POU3F3: variants seen among roughly 807,000 people sequenced by gnomAD.
POU3F3 encodes POU class 3 homeobox 3.
A neutral mutation model predicts 8.6 loss-of-function variants in POU3F3; 1 was observed. That is an observed-to-expected ratio of 0.12 (90% confidence interval 0.04 to 0.55). POU3F3 has a LOEUF of 0.55. Among genes scored for constraint, POU3F3 ranks in the 20% least tolerant of loss-of-function variants. The pLI, the probability that POU3F3 is intolerant of heterozygous loss-of-function variation, is 0.91. For missense variants in POU3F3, 577 were observed against 690.7 expected, an observed-to-expected ratio of 0.84 and a Z score of 1.84; for synonymous variants, 418 against 327.4, an observed-to-expected ratio of 1.28 and a Z score of -2.99.
chr2:104,913,395 C>T, the POU3F3 span, among the ~76,000 whole-genome samples: 1 of 152,156 alleles, frequency 6.6e-6, no homozygotes, highest in African/African-American at 2.4e-5. Context: ...TCTCCCTCAT[C>T]AGGCAGTTTG....
chr2:104,889,035 G>A, the POU3F3 span, among the ~76,000 whole-genome samples: 1 of 152,220 alleles, frequency 6.6e-6, no homozygotes, highest in Admixed American at 6.5e-5. Context: ...TGCTCTGCAC[G>A]CATGAGTGGA....
At chr2:104,892,359 G>A in the POU3F3 span, among the ~76,000 whole-genome samples, 170 of 152,282 alleles carry the variant, frequency 1.1e-3, 2 homozygotes, top group African/African-American at 3.9e-3. Flanking sequence ...CAGAATTAGT[G>A]AGAATCTGCA....
the POU3F3 span, among the ~76,000 whole-genome samples, chr2:104,916,074 T>C: frequency 1.3e-5 from 2 of 152,100 alleles, no homozygotes; most frequent in Admixed American, 1.3e-4. Flanking sequence ...ATAGCAAACA[T>C]ACATGATGAA....
the POU3F3 span, among the ~76,000 whole-genome samples, chr2:104,918,971 A>G: frequency 6.6e-6 from 1 of 151,464 alleles, no homozygotes; most frequent in Non-Finnish European, 1.5e-5. Context: ...TCCCAGGTTC[A>G]AGCAATTCTC....
In POU3F3 at chr2:104,854,960, A is replaced by T. The variant is rs1315457319; in HGVS notation, c.-551A>T. Among the ~76,000 whole-genome samples, 2 of 152,126 alleles carry T rather than the reference A, an allele frequency of 1.3e-5. No individual in the cohort carries two copies. Among genetic ancestry groups the T allele is most frequent in the Non-Finnish European group, 2.9e-5 (2 of 67,988 alleles). Reference sequence around the variant, plus strand: ...TTCTTTCTTTGTTATCTCCCGTGAAACCTTCACTTAGCAGGTGGACGGAGC... The same window carrying T: ...TTCTTTCTTTGTTATCTCCCGTGAATCCTTCACTTAGCAGGTGGACGGAGC... On this transcript the variant is annotated 5_prime_UTR_variant, in exon 1 of 1. Transcript: ENST00000361360. This position sits in a 1 kb window ranked among gnomAD's most constrained non-coding sequence, Gnocchi z 4.5.
Position 104,856,230 on chromosome 2 carries a change from C to A in POU3F3, c.720C>A (p.Pro240=). The A allele has an allele frequency of 1.6e-6, 2 of 1,221,844 alleles. No homozygotes were observed. The highest frequency in any genetic ancestry group is 1.0e-6 in the Non-Finnish European group (1 of 984,502). The allele number at this position is 1,221,844 out of a possible 1,614,324, so 75.7% of individuals were successfully genotyped here. A position where few individuals can be genotyped will look rare whatever the true frequency, so the allele number is the denominator to read the frequency against. The stretch of plus-strand genomic sequence containing the variant: ...GCATGCTGAGCGCGCCACCGGGGCC[C>A]GGCGGCGGCGGCGGCGGCGCGGGCG... The part of the protein sequence containing the change: ...VNGMLSAPPG[P]GGGGGGAGGG... The change falls in exon 1 of 1, where the codon CCC becomes CCA. Residue 240 remains proline, a synonymous_variant. Coordinates refer to ENST00000361360, the MANE Select transcript of POU3F3 (RefSeq NM_006236.3).
the POU3F3 span, among the ~76,000 whole-genome samples, chr2:104,923,020 T>G: frequency 6.6e-6 from 1 of 152,150 alleles, no homozygotes; most frequent in Non-Finnish European, 1.5e-5. Context: ...AAAAAAACTG[T>G]CAAGCAAGAA....
the POU3F3 span, among the ~76,000 whole-genome samples, chr2:104,920,546 T>C: frequency 6.6e-6 from 1 of 152,138 alleles, no homozygotes; most frequent in African/African-American, 2.4e-5. Flanking sequence ...TAAGATGTGG[T>C]CAGTATGTGA....
the POU3F3 span, among the ~76,000 whole-genome samples, chr2:104,898,221 A>G: frequency 6.6e-6 from 1 of 152,182 alleles, no homozygotes; most frequent in South Asian, 2.1e-4. Flanking sequence ...GGAGCACCTC[A>G]CCAGGTCCCA....
chr2:104,872,351 C>CGGGCTCT, the POU3F3 span: 1 of 456,554 alleles, frequency 2.2e-6, no homozygotes, highest in African/African-American at 2.0e-5. This position sits in a 1 kb window ranked among gnomAD's most constrained non-coding sequence, Gnocchi z 4.6. Flanking sequence ...GCACACACTT[C>CGGGCTCT]GGGCTCTGAG....
the POU3F3 span, among the ~76,000 whole-genome samples, chr2:104,877,660 CTTTT>C: frequency 2.2e-5 from 3 of 138,816 alleles, no homozygotes; most frequent in Admixed American, 7.2e-5. Context: ...TTCTTTTTTT[CTTTT>C]TTTTTTTTTT....
At chr2:104,895,053 G>T in the POU3F3 span, among the ~76,000 whole-genome samples, 1 of 116,328 alleles carries the variant, frequency 8.6e-6, no homozygotes, top group African/African-American at 3.4e-5. Flanking sequence ...CCATGTGTGT[G>T]CACAGGTGAG....
At chr2:104,879,241 A>C in the POU3F3 span, among the ~76,000 whole-genome samples, 3 of 151,694 alleles carry the variant, frequency 2.0e-5, no homozygotes, top group Non-Finnish European at 4.4e-5. Context: ...GAGAGAAGAA[A>C]CCGAGAGAGG....
At chr2:104,893,328 A>G in the POU3F3 span, among the ~76,000 whole-genome samples, 2 of 152,104 alleles carry the variant, frequency 1.3e-5, no homozygotes, top group Non-Finnish European at 2.9e-5. Flanking sequence ...CTGGGTCTGG[A>G]TGTCACCTTG....
chr2:104,900,664 A>G, the POU3F3 span, among the ~76,000 whole-genome samples: 1 of 152,184 alleles, frequency 6.6e-6, no homozygotes, highest in African/African-American at 2.4e-5. Flanking sequence ...CCCTTATGAC[A>G]TGTCAGGGGC....
the POU3F3 span, among the ~76,000 whole-genome samples, chr2:104,916,476 C>T: frequency 6.6e-6 from 1 of 152,190 alleles, no homozygotes; most frequent in Non-Finnish European, 1.5e-5. Flanking sequence ...AGGCTGTCAG[C>T]TGAGGCTCCA....
At position 104,857,278 on chromosome 2, in the gene POU3F3, G is replaced by A. The variant is rs1192333676; in HGVS notation, c.*265G>A. The A allele has an allele frequency of 2.7e-5, 5 of 186,318 alleles. No individual in the cohort carries two copies. The highest frequency in any genetic ancestry group is 5.1e-5 in the Non-Finnish European group (5 of 97,640). The allele number at this position is 186,318 out of a possible 1,614,324, so 11.5% of individuals were successfully genotyped here. On this transcript the variant is annotated 3_prime_UTR_variant, in exon 1 of 1. Transcript: ENST00000361360. Reference sequence around the variant, plus strand: ...ATTTTTGCAGTCCAAGGAAGGAGGGGCCAAAAAATAAAAAGCATAATAAAC... The same window carrying A: ...ATTTTTGCAGTCCAAGGAAGGAGGGACCAAAAAATAAAAAGCATAATAAAC...
chr2:104,855,564 C>G lies in POU3F3; in HGVS notation c.54C>G (p.Ala18=). The G allele has an allele frequency of 9.7e-7, 1 of 1,034,440 alleles. No homozygotes were observed. The highest frequency in any genetic ancestry group is 1.2e-6 in the Non-Finnish European group (1 of 861,968). The allele number at this position is 1,034,440 out of a possible 1,614,324, so 64.1% of individuals were successfully genotyped here. ...TGCCGGGGAACAGCCTGCTCGCGGC[C>G]GGCTCTATTGTGCACTCGGACGCGG... ...PYLPGNSLLA[A]GSIVHSDAAG... The change falls in exon 1 of 1, where the codon GCC becomes GCG. Residue 18 remains alanine (A), a synonymous_variant. Coordinates refer to ENST00000361360, the MANE Select transcript of POU3F3 (RefSeq NM_006236.3).
chr2:104,872,862 TC>T, the POU3F3 span, among the ~76,000 whole-genome samples: 1 of 152,176 alleles, frequency 6.6e-6, no homozygotes, highest in African/African-American at 2.4e-5. This position sits in a 1 kb window ranked among gnomAD's most constrained non-coding sequence, Gnocchi z 4.6. Context: ...TATCGTCAAG[TC>T]ACTTATTTTA....
Sources: allele counts gnomAD v4.1 joint callset (sites outside exome capture counted in the v4.1 genomes callset), GRCh38; gene constraint gnomAD v4.1.1; non-coding constraint Gnocchi (gnomAD v3.1); transcripts MANE v1.5; gene names NCBI Gene and HGNC (gene_info 2026-07-23, HGNC 2026-07-21).